The following CWF19L2 variants were observed in gnomAD, a reference collection of about 807,000 sequenced individuals.
CWF19L2 encodes CWF19-like protein 2.
CWF19L2 carries 98 observed loss-of-function variants against 111.7 expected under a neutral mutation model. The observed-to-expected ratio is 0.88, with a 90% CI of 0.75 to 1.04. The LOEUF (loss-of-function observed/expected upper bound fraction) is 1.04. Among genes scored for constraint, CWF19L2 ranks in the 50% least tolerant of loss-of-function variants. The pLI, the probability that CWF19L2 is intolerant of heterozygous loss-of-function variation, is 0.00. For synonymous variants in CWF19L2, 351 were observed against 342.9 expected, an observed-to-expected ratio of 1.02 and a Z score of -0.26; for missense variants, 1,101 against 1,051.4, an observed-to-expected ratio of 1.05 and a Z score of -0.65.
chr11:107,390,056 C>G lies in CWF19L2; in HGVS notation c.1872+18G>C, dbSNP rs1398500796. ...TCAGCTTCTCAAAATTCAGAGGTAT[C>G]CTAGGAATATATCTTACCTTAGATG... On this transcript the variant is annotated intron_variant, in intron 12 of 17. Coordinates refer to ENST00000282251, the MANE Select transcript of CWF19L2 (RefSeq NM_152434.3). The G allele has an allele frequency of 6.2e-7, 1 of 1,608,128 alleles. No homozygotes were observed. Among genetic ancestry groups the G allele is most frequent in the African/African-American group, 1.3e-5 (1 of 74,758 alleles).
At position 107,457,778 on chromosome 11, in the gene CWF19L2, T is replaced by G; in HGVS notation, c.39A>C (p.Glu13Asp). The change falls in exon 1 of 18, where the codon GAA becomes GAC. Residue 13 changes from glutamate (E) to aspartate (D), a missense_variant. By Grantham distance (45) the Glu-to-Asp change is conservative (BLOSUM62 2). Coordinates refer to ENST00000282251, the MANE Select transcript of CWF19L2 (RefSeq NM_152434.3). ...TSMAAASGRFESAKSIEERKE... is the reference protein window; with the variant it reads ...TSMAAASGRFDSAKSIEERKE... ...TCCGCTCTTCGATACTCTTCGCACT[T>G]TCAAATCTACCACTAGCAGCCGCCA... 6.4e-7 allele frequency: 1 copy of G among 1,551,722 alleles called. No individual in the cohort carries two copies. Among genetic ancestry groups the G allele is most frequent in the Middle Eastern group, 1.7e-4 (1 of 5,992 alleles).
intron 10 of CWF19L2, chr11:107,404,153 G>A (rs902478611): frequency 2.6e-5 from 20 of 775,642 alleles, no homozygotes; most frequent in South Asian, 4.0e-5. Context: ...GCTTCTGCAC[G>A]ATTTTTTGCA....
chr11:107,450,751 C>A (rs1007379163), intron 3 of CWF19L2, among the ~76,000 whole-genome samples: 3 of 152,056 alleles, frequency 2.0e-5, no homozygotes, highest in African/African-American at 7.2e-5. Flanking sequence ...ATACAAGAGA[C>A]TTCAGACAAG....
rs79599105 is a variant in CWF19L2, at chr11:107,456,076, A to G, written c.106-300T>C. 7.7e-3 allele frequency among the ~76,000 whole-genome samples: 1,179 copies of G among 152,266 alleles called. 5 individuals are homozygous for G. The highest frequency in any genetic ancestry group is 0.013 in the Non-Finnish European group (880 of 68,010). ...ATCTCTCTAAGCTCCCTAGCTCAAT[A>G]TGACTTGGAATCCCTTTTCCCTTCA... On this transcript the variant is annotated intron_variant, in intron 1 of 17. Coordinates refer to ENST00000282251, the MANE Select transcript of CWF19L2 (RefSeq NM_152434.3).
chr11:107,418,160 C>A, intron 9 of CWF19L2, 34 bp downstream of exon 9: 1 of 1,283,184 alleles, frequency 7.8e-7, no homozygotes, highest in South Asian at 1.2e-5. Context: ...AACATTTAAT[C>A]ATTATTCTCT....
intron 8 of CWF19L2, among the ~76,000 whole-genome samples, chr11:107,421,594 G>C (rs1316869248): frequency 6.6e-6 from 1 of 152,016 alleles, no homozygotes; most frequent in Admixed American, 6.6e-5. Flanking sequence ...AGCACATAGA[G>C]AGATGTTCGG....
intron 8 of CWF19L2, among the ~76,000 whole-genome samples, chr11:107,424,070 G>C (rs571391638): frequency 9.2e-5 from 14 of 151,540 alleles, no homozygotes; most frequent in Non-Finnish European, 1.3e-4. Context: ...TAGATCAAGG[G>C]GATCACCAAT....
intron 3 of CWF19L2, among the ~76,000 whole-genome samples, chr11:107,444,717 C>A (rs1861677518): frequency 6.6e-6 from 1 of 152,196 alleles, no homozygotes; most frequent in South Asian, 2.1e-4. Flanking sequence ...TCCTCTTCTT[C>A]TACAAAATCT....
intron 17 of CWF19L2, 87 bp downstream of exon 17, chr11:107,329,831 T>C (rs1859816058): frequency 1.0e-6 from 1 of 974,726 alleles, no homozygotes; most frequent in Non-Finnish European, 1.5e-6. Flanking sequence ...TTTCTTTGTA[T>C]ACTGTGCCCA....
chr11:107,397,798 G>T (rs1217557895), intron 10 of CWF19L2, among the ~76,000 whole-genome samples: 1 of 152,136 alleles, frequency 6.6e-6, no homozygotes, highest in African/African-American at 2.4e-5. Flanking sequence ...AGAACAAGCA[G>T]CTGGTATCCA....
chr11:107,457,757 C>T lies in CWF19L2; in HGVS notation c.60G>A (p.Glu20=), dbSNP rs1186680541. Residue 20 remains glutamate, a synonymous_variant, in exon 1 of 18, where the codon GAG becomes GAA. Coordinates refer to ENST00000282251, the MANE Select transcript of CWF19L2 (RefSeq NM_152434.3). ...GRFESAKSIE[E]RKEQTRNARA... ...TGGCATTCCGGGTCTGTTCTTTCCG[C>T]TCTTCGATACTCTTCGCACTTTCAA... The T allele has an allele frequency of 1.3e-6, 2 of 1,551,732 alleles. No homozygotes were observed. Among genetic ancestry groups the T allele is most frequent in the Non-Finnish European group, 1.7e-6 (2 of 1,146,992 alleles).
intron 11 of CWF19L2, among the ~76,000 whole-genome samples, chr11:107,390,749 C>A (rs1023580164): frequency 6.6e-6 from 1 of 152,108 alleles, no homozygotes; most frequent in Non-Finnish European, 1.5e-5. Flanking sequence ...GGGATCAGAA[C>A]CTGTGATGGT....
chr11:107,388,254 T>C (rs943985802), intron 12 of CWF19L2, among the ~76,000 whole-genome samples: 1 of 152,260 alleles, frequency 6.6e-6, no homozygotes, highest in African/African-American at 2.4e-5. Context: ...GTTCACTTTC[T>C]CATCCACTAG....
intron 10 of CWF19L2, chr11:107,404,311 C>A: frequency 3.8e-6 from 3 of 787,498 alleles, no homozygotes; most frequent in Non-Finnish European, 4.7e-6. Context: ...CAGTCTCCCA[C>A]AACTTTAGGT....
Position 107,429,361 on chromosome 11 carries a change from TG to T in CWF19L2, c.870del (p.Thr291HisfsTer17). ...EDYRRERWRK[P>X]TYSDKAQNCQ... ...CAATTTTGTGCTTTATCTGAATATG[TG>T]GGTTTCCTCCACCGTTCCCGTCTAT... On this transcript the variant is annotated frameshift_variant, in exon 8 of 18. Coordinates refer to ENST00000282251, the MANE Select transcript of CWF19L2 (RefSeq NM_152434.3). LOFTEE classifies it high-confidence loss of function. 1 of 1,600,468 alleles carries T rather than the reference TG, an allele frequency of 6.2e-7. No homozygotes were observed. The highest frequency in any genetic ancestry group is 1.1e-5 in the South Asian group (1 of 89,778).
chr11:107,371,007 T>C lies in CWF19L2; in HGVS notation c.1873-17271A>G, dbSNP rs1238203216. On this transcript the variant is annotated intron_variant, in intron 12 of 17. Coordinates refer to ENST00000282251, the MANE Select transcript of CWF19L2 (RefSeq NM_152434.3). ...TATTTCACGATGTTAAGATTTCTAGTTTCTCTTTTTTTTTTTTTTTTTTTG... is the reference window on the plus strand; with the variant it reads ...TATTTCACGATGTTAAGATTTCTAGCTTCTCTTTTTTTTTTTTTTTTTTTG... Among the ~76,000 whole-genome samples, 3 of 117,152 alleles carry C rather than the reference T, an allele frequency of 2.6e-5. 1 individual carries two copies. The highest frequency in any genetic ancestry group is 1.0e-4 in the African/African-American group (3 of 28,656). 76.9% of individuals were successfully genotyped at this position (117,152 alleles called of 152,430 possible).
At position 107,455,016 on chromosome 11, in the gene CWF19L2, G is replaced by T. The variant is rs75477259; in HGVS notation, c.217-444C>A. On this transcript the variant is annotated intron_variant, in intron 2 of 17. Transcript: ENST00000282251. Reference sequence around the variant, plus strand: ...ATTAAAATTATAGGAAGAGGCTAGGGGAAGGAGCAAGGATAGGGAAAGGGA... The same window carrying T: ...ATTAAAATTATAGGAAGAGGCTAGGTGAAGGAGCAAGGATAGGGAAAGGGA... 3.7e-3 allele frequency among the ~76,000 whole-genome samples: 559 copies of T among 152,226 alleles called. 10 individuals carry two copies. The highest frequency in any genetic ancestry group is 0.013 in the African/African-American group (534 of 41,548).
intron 12 of CWF19L2, among the ~76,000 whole-genome samples, chr11:107,383,242 C>A (rs1860718220): frequency 6.6e-6 from 1 of 152,142 alleles, no homozygotes; most frequent in Non-Finnish European, 1.5e-5. Context: ...TGACTGGTAC[C>A]AGTCTGGGCA....
At position 107,441,599 on chromosome 11, in the gene CWF19L2, A is replaced by G. The variant is rs202208097; in HGVS notation, c.474T>C (p.Asp158=). 13 of 1,539,122 alleles carry G rather than the reference A, an allele frequency of 8.4e-6. No homozygotes were observed. The highest frequency in any genetic ancestry group is 1.1e-5 in the Non-Finnish European group (13 of 1,143,154). The change falls in exon 5 of 18, where the codon GAT becomes GAC. Residue 158 remains aspartate, a synonymous_variant. Transcript: ENST00000282251. ...IIKRDEWMTV[D]FMSVKTVSSS... ...ATGACACAGTTTTAACAGACATAAA[A>G]TCAACAGTCATCCACTCATCCCTCT...
Sources: gnomAD v4.1 joint callset for allele counts (sites outside exome capture counted in the v4.1 genomes callset) on GRCh38, gnomAD v4.1.1 for gene constraint, MANE v1.5 for transcripts, NCBI Gene and HGNC (gene_info 2026-07-23, HGNC 2026-07-21) for gene names.